Variants in AKAP6 observed in about 807,000 individuals in gnomAD.
AKAP6 encodes A-kinase anchor protein 6.
Under a neutral mutation model 188.5 loss-of-function variants are expected in AKAP6, and 58 were observed. The ratio of observed to expected loss-of-function variants is 0.31; its 90% CI spans 0.25 to 0.38. The LOEUF is 0.38. AKAP6 is among the 10% of genes least tolerant of loss of function. The pLI is 1.00. For synonymous variants in AKAP6, 989 were observed against 998.6 expected, an observed-to-expected ratio of 0.99 and a Z score of 0.18; for missense variants, 2,710 against 2,740.0, an observed-to-expected ratio of 0.99 and a Z score of 0.24.
chr14:32,383,458 A>G (rs1028086319), intron 1 of AKAP6, among the ~76,000 whole-genome samples: 6 of 152,170 alleles, frequency 3.9e-5, no homozygotes, highest in South Asian at 2.1e-4. Flanking sequence ...GTAACGTGTC[A>G]CATACTCTGA....
At chr14:32,820,598 A>G (rs1217287327) in intron 12 of AKAP6, among the ~76,000 whole-genome samples, 1 of 151,970 alleles carries the variant, frequency 6.6e-6, no homozygotes, top group Non-Finnish European at 1.5e-5. Flanking sequence ...GAAATGGGGG[A>G]AGGACTAACA....
intron 11 of AKAP6, among the ~76,000 whole-genome samples, chr14:32,745,605 C>G (rs1262521490): frequency 6.6e-6 from 1 of 151,880 alleles, no homozygotes; most frequent in Non-Finnish European, 1.5e-5. Flanking sequence ...TATGACTGTG[C>G]TGGTTCAGAC....
At position 32,750,737 on chromosome 14, in the gene AKAP6, G is replaced by GTTT. The variant is rs71293226; in HGVS notation, c.3372+14866_3372+14868dup. On this transcript the variant is annotated intron_variant, in intron 11 of 13. Transcript: ENST00000280979. ...AGGACTGGGTCACTAAATTAATTTT[G>GTTT]TTTTTTTTTTTTTGTTTTTTTTTCA... is the stretch of plus-strand genomic sequence containing the variant. Among the ~76,000 whole-genome samples, 638 of 137,842 alleles carry GTTT rather than the reference G, an allele frequency of 4.6e-3. 2 individuals are homozygous for GTTT. The highest frequency in any genetic ancestry group is 7.6e-3 in the Middle Eastern group (2 of 262). 90.4% of individuals were successfully genotyped at this position (137,842 alleles called of 152,430 possible).
At chr14:32,339,056 A>G (rs1367750085) in intron 1 of AKAP6, among the ~76,000 whole-genome samples, 2 of 152,182 alleles carry the variant, frequency 1.3e-5, no homozygotes, top group African/African-American at 4.8e-5. Flanking sequence ...TGTTCATAAC[A>G]CTTATCACCT....
intron 5 of AKAP6, among the ~76,000 whole-genome samples, chr14:32,588,341 T>C (rs1885340994): frequency 6.6e-6 from 1 of 152,244 alleles, no homozygotes; most frequent in Admixed American, 6.5e-5. Flanking sequence ...TCCATGATGA[T>C]GGGCATTCAA....
intron 2 of AKAP6, among the ~76,000 whole-genome samples, chr14:32,490,618 G>T (rs1879960859): frequency 6.6e-6 from 1 of 152,030 alleles, no homozygotes; most frequent in Non-Finnish European, 1.5e-5. Context: ...CTCCTTAGTG[G>T]GTTCTGAGCT....
chr14:32,467,949 T>C (rs181019004), intron 2 of AKAP6, among the ~76,000 whole-genome samples: 5 of 152,252 alleles, frequency 3.3e-5, no homozygotes, highest in Middle Eastern at 3.4e-3. Context: ...TTCCCTTTTC[T>C]CCCTAGTCTT....
intron 6 of AKAP6, among the ~76,000 whole-genome samples, chr14:32,600,152 A>G (rs187733734): frequency 2.6e-5 from 4 of 152,310 alleles, no homozygotes; most frequent in Admixed American, 2.6e-4. Flanking sequence ...CTAAATAGGA[A>G]AAAGACAGTA....
At chr14:32,343,905 G>A (rs910249460) in intron 1 of AKAP6, among the ~76,000 whole-genome samples, 3 of 152,000 alleles carry the variant, frequency 2.0e-5, no homozygotes, top group African/African-American at 7.3e-5. Context: ...GCTCTCTGTG[G>A]TCATAACGTT....
intron 2 of AKAP6, among the ~76,000 whole-genome samples, chr14:32,492,359 G>GAGAGAGAA (rs1880075374): frequency 2.3e-5 from 1 of 44,428 alleles, no homozygotes; most frequent in Non-Finnish European, 6.7e-5. Context: ...TATATATAGA[G>GAGAGAGAA]AGAGAGAGAG....
At position 32,336,880 on chromosome 14, in the gene AKAP6, C is replaced by T. The variant is rs537559764; in HGVS notation, c.-35+7472C>T. ...TCCTCCCCACCAGCAGCCCCTGAGG[C>T]CCTCATCTCCCTGCCACTGTTTATT... On this transcript the variant is annotated intron_variant, in intron 1 of 13. Coordinates refer to ENST00000280979, the MANE Select transcript of AKAP6 (RefSeq NM_004274.5). Among the ~76,000 whole-genome samples the T allele has an allele frequency of 2.0e-5, 3 of 152,312 alleles. No individual in the cohort carries two copies. The South Asian group carries it at 6.2e-4, about 32-fold the overall frequency.
At chr14:32,712,542 G>A (rs1004623966) in intron 9 of AKAP6, among the ~76,000 whole-genome samples, 10 of 152,132 alleles carry the variant, frequency 6.6e-5, no homozygotes, top group East Asian at 3.9e-4. Context: ...AAACCCTGCC[G>A]CTGCTTTATC....
intron 2 of AKAP6, among the ~76,000 whole-genome samples, chr14:32,529,409 C>A (rs1474933742): frequency 6.6e-6 from 1 of 152,038 alleles, no homozygotes; most frequent in Non-Finnish European, 1.5e-5. Flanking sequence ...ACGATCATGT[C>A]ATCTTTGAAC....
At chr14:32,614,885 A>T (rs1357049820) in intron 7 of AKAP6, among the ~76,000 whole-genome samples, 1 of 151,894 alleles carries the variant, frequency 6.6e-6, no homozygotes, top group Non-Finnish European at 1.5e-5. Flanking sequence ...AAAGAGATAA[A>T]CAAGGCTGGG....
At chr14:32,612,979 T>G (rs1426971053) in intron 7 of AKAP6, among the ~76,000 whole-genome samples, 1 of 152,226 alleles carries the variant, frequency 6.6e-6, no homozygotes, top group East Asian at 1.9e-4. Flanking sequence ...GCTATCAAAG[T>G]CTAATTTCTG....
rs147993086 is a variant in AKAP6 at position 32,658,204 on chromosome 14, A to G, written c.2731-20107A>G. Among the ~76,000 whole-genome samples, 773 of 152,220 alleles carry G rather than the reference A, an allele frequency of 5.1e-3. 10 individuals are homozygous for G. Among genetic ancestry groups the G allele is most frequent in the African/African-American group, 0.017 (719 of 41,554 alleles). On this transcript the variant is annotated intron_variant, in intron 7 of 13. Transcript: ENST00000280979. ...GATTGATTTATTACATATAAGGAAG[A>G]CGACAGTCTATGGGGATTTTTCAAG...
chr14:32,352,476 G>A (rs1002900903), intron 1 of AKAP6, among the ~76,000 whole-genome samples: 3 of 151,944 alleles, frequency 2.0e-5, no homozygotes, highest in Admixed American at 2.0e-4. Flanking sequence ...ACTAGTCACT[G>A]TACTGTGCAA....
intron 2 of AKAP6, among the ~76,000 whole-genome samples, chr14:32,529,793 T>C (rs1438365614): frequency 6.6e-6 from 1 of 152,148 alleles, no homozygotes; most frequent in Non-Finnish European, 1.5e-5. Context: ...ATTTTTTGTA[T>C]AAAGTTGCAA....
chr14:32,782,412 T>C (rs560147591), intron 12 of AKAP6, among the ~76,000 whole-genome samples: 62 of 152,080 alleles, frequency 4.1e-4, no homozygotes, highest in Non-Finnish European at 7.8e-4. Flanking sequence ...GCCAGATCCA[T>C]AAAGCAAGAA....
Sources: gnomAD v4.1 joint callset for allele counts (sites outside exome capture counted in the v4.1 genomes callset) on GRCh38, gnomAD v4.1.1 for gene constraint, MANE v1.5 for transcripts, NCBI Gene and HGNC (gene_info 2026-07-23, HGNC 2026-07-21) for gene names.